The following FZD6 variants were observed in gnomAD, a reference collection of about 807,000 sequenced individuals.
FZD6 encodes the protein frizzled class receptor 6, also known as frizzled-6.
Under a neutral mutation model 61.4 loss-of-function variants are expected in FZD6, and 49 were observed. The ratio of observed to expected loss-of-function variants is 0.80; its 90% confidence interval spans 0.63 to 1.01. FZD6 has a LOEUF of 1.01. Among genes scored for constraint, FZD6 ranks in the 50% least tolerant of loss-of-function variants. The pLI, the probability that FZD6 is intolerant of heterozygous loss-of-function variation, is 0.00. For missense variants in FZD6, 724 were observed against 848.2 expected, an observed-to-expected ratio of 0.85 and a Z score of 1.82; for synonymous variants, 265 against 292.2, an observed-to-expected ratio of 0.91 and a Z score of 0.95.
intron 2 of FZD6, among the ~76,000 whole-genome samples, chr8:103,300,917 G>C (rs1814150008): frequency 1.3e-5 from 2 of 152,150 alleles, no homozygotes; most frequent in South Asian, 4.1e-4. Context: ...CTCTGGTTTA[G>C]AGATATGCAA....
chr8:103,329,787 G>A lies in FZD6; in HGVS notation c.1674G>A (p.Met558Ile). The change falls in exon 6 of 7, where the codon ATG becomes ATA. Residue 558 changes from methionine to isoleucine, a missense_variant. Physicochemically the swap from Met to Ile is conservative, Grantham distance 10 (BLOSUM62 1). Coordinates refer to ENST00000358755, the MANE Select transcript of FZD6 (RefSeq NM_003506.4). Reference protein sequence around the residue: ...SHKLKVISKSMGTSTGATANH... With the variant: ...SHKLKVISKSIGTSTGATANH... ...AGCTGAAGGTCATTTCCAAATCCAT[G>A]GGAACCAGCACAGGAGCTACAGCAA... The A allele has an allele frequency of 6.2e-7, 1 of 1,614,086 alleles. No individual in the cohort carries two copies. Among genetic ancestry groups the A allele is most frequent in the Non-Finnish European group, 8.5e-7 (1 of 1,179,966 alleles).
At chr8:103,311,833 A>T (rs1814505129) in intron 2 of FZD6, among the ~76,000 whole-genome samples, 1 of 152,122 alleles carries the variant, frequency 6.6e-6, no homozygotes, top group African/African-American at 2.4e-5. Context: ...AGGTATCATA[A>T]ATCTCCTTAG....
intron 3 of FZD6, among the ~76,000 whole-genome samples, chr8:103,321,290 A>G (rs1814780418): frequency 6.6e-6 from 1 of 152,238 alleles, no homozygotes; most frequent in African/African-American, 2.4e-5. Context: ...TAAGCCCTAT[A>G]TTAAACCATG....
At position 103,325,574 on chromosome 8, in the gene FZD6, G is replaced by A. The variant is rs371900641; in HGVS notation, c.1392+76G>A. 3.5e-4 allele frequency: 425 copies of A among 1,218,328 alleles called. 1 individual carries two copies. In the South Asian group the frequency reaches 4.7e-3, roughly 13 times the overall value. The allele number at this position is 1,218,328 out of a possible 1,614,324, so 75.5% of individuals were successfully genotyped here. On this transcript the variant is annotated intron_variant, in intron 4 of 6. Transcript: ENST00000358755. ...TGTTTCATGGAAATATACTTGTCAT[G>A]GATGTAAAAGTTGATTTCAGGTGAG...
chr8:103,330,365 C>G (rs1815086221), intron 6 of FZD6, among the ~76,000 whole-genome samples: 1 of 152,142 alleles, frequency 6.6e-6, no homozygotes, highest in Non-Finnish European at 1.5e-5. Context: ...TTAATTAATA[C>G]TACATTATAA....
chr8:103,311,170 T>C (rs1215567125), intron 2 of FZD6, among the ~76,000 whole-genome samples: 1 of 152,204 alleles, frequency 6.6e-6, no homozygotes, highest in Non-Finnish European at 1.5e-5. Context: ...CATTGGATAC[T>C]TCCTGAGCCA....
chr8:103,331,013 T>C (rs1221624346), intron 6 of FZD6, among the ~76,000 whole-genome samples: 1 of 152,132 alleles, frequency 6.6e-6, no homozygotes. Context: ...CCATCTCTAC[T>C]GAAAATACAA....
At chr8:103,326,468 G>A (rs1005291196) in intron 4 of FZD6, among the ~76,000 whole-genome samples, 4 of 151,958 alleles carry the variant, frequency 2.6e-5, no homozygotes, top group African/African-American at 9.7e-5. Context: ...TGGCAAGGTT[G>A]GGGAGAGGAA....
At chr8:103,308,414 G>A (rs1814401655) in intron 2 of FZD6, among the ~76,000 whole-genome samples, 1 of 152,100 alleles carries the variant, frequency 6.6e-6, no homozygotes, top group Non-Finnish European at 1.5e-5. Context: ...ATTAGCTATA[G>A]CCCATGAATC....
intron 3 of FZD6, 114 bp downstream of exon 3, chr8:103,318,900 C>A: frequency 1.4e-6 from 1 of 735,760 alleles, no homozygotes; most frequent in Non-Finnish European, 2.4e-6. Flanking sequence ...TTATTACACA[C>A]TTAATATATG....
Position 103,324,973 on chromosome 8 carries a change from G to A in FZD6, c.867G>A (p.Leu289=). 1 of 1,614,106 alleles carries A rather than the reference G, an allele frequency of 6.2e-7. No individual in the cohort carries two copies. The highest frequency in any genetic ancestry group is 8.5e-7 in the Non-Finnish European group (1 of 1,180,016). The stretch of plus-strand genomic sequence containing the variant: ...CTTGCACCGTTTTGTTCATGCTTTT[G>A]TATTTTTTCACAATGGCTGGCACTG... ...NKACTVLFML[L]YFFTMAGTVW... is the part of the protein sequence containing the mutation. The change falls in exon 4 of 7, where the codon TTG becomes TTA. Residue 289 remains leucine (L), a synonymous_variant. Coordinates refer to ENST00000358755, the MANE Select transcript of FZD6 (RefSeq NM_003506.4).
At position 103,329,680 on chromosome 8, in the gene FZD6, C is replaced by A. The variant is rs1759022116; in HGVS notation, c.1567C>A (p.Leu523Ile). The part of the protein sequence containing the change: ...RDPISESRRV[L>I]QESCEFFLKH... ...TCCAATCAGTGAAAGTCGAAGAGTA[C>A]TACAGGAATCATGTGAGTTTTTCTT... The change falls in exon 6 of 7, where the codon CTA becomes ATA. Residue 523 changes from leucine to isoleucine, a missense_variant. By Grantham distance (5) the Leu-to-Ile change is conservative. Transcript: ENST00000358755. The A allele has an allele frequency of 6.2e-7, 1 of 1,610,592 alleles. No homozygotes were observed. Among genetic ancestry groups the A allele is most frequent in the South Asian group, 1.1e-5 (1 of 90,930 alleles).
chr8:103,324,504 T>C lies in FZD6; in HGVS notation c.398T>C (p.Val133Ala), dbSNP rs564497180. The change falls in exon 4 of 7, where the codon GTT (valine) becomes GCT (alanine). Residue 133 changes from valine (V) to alanine (A), a missense_variant. Physicochemically the swap from Val to Ala is moderately conservative, Grantham distance 64 (BLOSUM62 0). Coordinates refer to ENST00000358755, the MANE Select transcript of FZD6 (RefSeq NM_003506.4). Reference sequence around the variant, plus strand: ...AGATTACAATACTGTGATGAGACTGTTCCTGTAACTTTTGATCCACACACA... The same window carrying C: ...AGATTACAATACTGTGATGAGACTGCTCCTGTAACTTTTGATCCACACACA... ...CDRLQYCDET[V>A]PVTFDPHTEF... 1 of 1,597,432 alleles carries C rather than the reference T, an allele frequency of 6.3e-7. No individual in the cohort carries two copies. The highest frequency in any genetic ancestry group is 1.1e-5 in the South Asian group (1 of 90,744).
At chr8:103,309,749 A>G (rs1330535236) in intron 2 of FZD6, among the ~76,000 whole-genome samples, 1 of 152,036 alleles carries the variant, frequency 6.6e-6, no homozygotes, top group African/African-American at 2.4e-5. Context: ...TTATCATCTT[A>G]CCTCCAAAAG....
At chr8:103,326,699 A>G (rs1180434033) in intron 4 of FZD6, among the ~76,000 whole-genome samples, 2 of 115,904 alleles carry the variant, frequency 1.7e-5, no homozygotes, top group Non-Finnish European at 3.6e-5. Context: ...CGTGACAAAA[A>G]AAAACAAACA....
chr8:103,313,761 TGTG>T (rs1437412181), intron 2 of FZD6, among the ~76,000 whole-genome samples: 1 of 13,018 alleles, frequency 7.7e-5, no homozygotes, highest in African/African-American at 1.6e-3. Flanking sequence ...TTGATTTTTC[TGTG>T]TGTGTGTGTG....
At chr8:103,322,543 T>C (rs1298305174) in intron 3 of FZD6, among the ~76,000 whole-genome samples, 1 of 152,220 alleles carries the variant, frequency 6.6e-6, no homozygotes, top group African/African-American at 2.4e-5. Flanking sequence ...AATTAACTTA[T>C]GAATGAATGT....
chr8:103,327,727 G>A (rs1343882547), intron 4 of FZD6, among the ~76,000 whole-genome samples: 1 of 152,104 alleles, frequency 6.6e-6, no homozygotes, highest in Non-Finnish European at 1.5e-5. Flanking sequence ...TGACCCTTGT[G>A]CAATGTTTAA....
intron 6 of FZD6, among the ~76,000 whole-genome samples, chr8:103,330,562 C>A (rs947357967): frequency 6.6e-5 from 10 of 152,214 alleles, no homozygotes; most frequent in African/African-American, 2.4e-4. Context: ...TCAAGGTTAT[C>A]TTACCTAGTC....
Sources: gnomAD v4.1 joint callset for allele counts (sites outside exome capture counted in the v4.1 genomes callset) on GRCh38, gnomAD v4.1.1 for gene constraint, MANE v1.5 for transcripts, NCBI Gene and HGNC (gene_info 2026-07-23, HGNC 2026-07-21) for gene names.